Variants in NALCN observed in about 807,000 individuals in gnomAD.
NALCN encodes the protein sodium leak channel, non-selective.
In NALCN, 111 loss-of-function variants were observed where a neutral mutation model predicts 225.3. The ratio of observed to expected loss-of-function variants is 0.49; its 90% CI spans 0.42 to 0.58. The LOEUF is 0.58. Ranked by LOEUF, NALCN falls within the 20% of genes least tolerant of loss-of-function variation. The pLI, the probability that NALCN is intolerant of heterozygous loss-of-function variation, is 0.00. For missense variants in NALCN, 1,378 were observed against 2,202.4 expected, an observed-to-expected ratio of 0.63 and a Z score of 7.49; for synonymous variants, 764 against 769.0, an observed-to-expected ratio of 0.99 and a Z score of 0.11.
chr13:101,413,235 C>T lies in NALCN; in HGVS notation c.-40+3078G>A, dbSNP rs111782091. On this transcript the variant is annotated intron_variant, in intron 1 of 43. Transcript: ENST00000251127. ...ATTCAGATACTTCTTTTTTCAAAGA[C>T]ATAATTACTGGAAATTTATCATAAA... Among the ~76,000 whole-genome samples, 670 of 152,022 alleles carry T rather than the reference C, an allele frequency of 4.4e-3. 4 individuals carry two copies. Among genetic ancestry groups the T allele is most frequent in the African/African-American group, 0.016 (646 of 41,466 alleles).
intron 15 of NALCN, among the ~76,000 whole-genome samples, chr13:101,157,862 C>T (rs1034247256): frequency 6.6e-6 from 1 of 151,738 alleles, no homozygotes; most frequent in Admixed American, 6.6e-5. Flanking sequence ...AAGCAATTCT[C>T]CTGCCTCAGC....
At chr13:101,181,350 C>A (rs1195070186) in intron 14 of NALCN, 1 of 518,664 alleles carries the variant, frequency 1.9e-6, no homozygotes, top group Non-Finnish European at 3.9e-6. Context: ...GGAATAATCA[C>A]AAAGTGATGA....
intron 7 of NALCN, among the ~76,000 whole-genome samples, chr13:101,342,798 G>A (rs189503710): frequency 6.6e-6 from 1 of 151,964 alleles, no homozygotes; most frequent in Admixed American, 6.6e-5. Flanking sequence ...CTTACAACAG[G>A]GGTTCCTTGT....
chr13:101,127,365 GTT>G (rs909134075), intron 17 of NALCN, among the ~76,000 whole-genome samples: 1 of 152,040 alleles, frequency 6.6e-6, no homozygotes, highest in African/African-American at 2.4e-5. Context: ...CTTTTGTTTT[GTT>G]TTGTTTTTTG....
chr13:101,303,301 GGTTC>G (rs1403164669), intron 7 of NALCN, among the ~76,000 whole-genome samples: 2 of 152,200 alleles, frequency 1.3e-5, no homozygotes, highest in African/African-American at 4.8e-5. Context: ...ACAAAGACGT[GGTTC>G]TCTGCTTACA....
At chr13:101,329,073 A>G (rs1231583463) in intron 7 of NALCN, among the ~76,000 whole-genome samples, 4 of 152,146 alleles carry the variant, frequency 2.6e-5, no homozygotes, top group Non-Finnish European at 4.4e-5. Context: ...CTTACATACA[A>G]TGTAAGGATC....
intron 13 of NALCN, among the ~76,000 whole-genome samples, chr13:101,196,479 C>T (rs1380730058): frequency 1.1e-4 from 16 of 152,110 alleles, no homozygotes; most frequent in Non-Finnish European, 1.0e-4. Flanking sequence ...AAAATTTCCA[C>T]TTTTAACATT....
rs756000950 is a variant in NALCN at position 101,104,401 on chromosome 13, A to C, written c.2783T>G (p.Phe928Cys). 32 of 1,613,716 alleles carry C rather than the reference A, an allele frequency of 2.0e-5. No individual in the cohort carries two copies. The highest frequency in any genetic ancestry group is 2.1e-5 in the Non-Finnish European group (25 of 1,179,776). The change falls in exon 25 of 44, where the codon TTC becomes TGC. Residue 928 changes from phenylalanine (F) to cysteine (C), a missense_variant. Transcript: ENST00000251127. The surrounding 1 kb of genome is among the most constrained non-coding windows in gnomAD (Gnocchi z 4.2). ...LQIAEYVFVI[F>C]MSIELNLKIM... ...CTTCAGATTAAGCTCAATGCTCATG[A>C]ATATCACAAACACATACTCAGCAAT... is the stretch of plus-strand genomic sequence containing the variant.
chr13:101,270,295 C>G (rs189773713), intron 10 of NALCN, among the ~76,000 whole-genome samples: 2 of 152,306 alleles, frequency 1.3e-5, no homozygotes, highest in African/African-American at 2.4e-5. Flanking sequence ...ACAGGTGACA[C>G]GACGCCATGA....
chr13:101,404,821 C>T (rs1376237364), intron 1 of NALCN, among the ~76,000 whole-genome samples: 2 of 152,192 alleles, frequency 1.3e-5, no homozygotes, highest in African/African-American at 4.8e-5. Context: ...TACCTTCAAA[C>T]ATCTGTGCCC....
chr13:101,312,623 G>C (rs1322705254), intron 7 of NALCN, among the ~76,000 whole-genome samples: 3 of 152,126 alleles, frequency 2.0e-5, no homozygotes, highest in Non-Finnish European at 4.4e-5. Context: ...TATGTACCCA[G>C]TATTCATTCA....
At chr13:101,129,027 G>GA (rs780517032) in intron 17 of NALCN, among the ~76,000 whole-genome samples, 2 of 152,198 alleles carry the variant, frequency 1.3e-5, no homozygotes, top group African/African-American at 4.8e-5. Flanking sequence ...TTCTTCCATC[G>GA]AAAGGAACAG....
At chr13:101,319,889 T>C (rs374159828) in intron 7 of NALCN, among the ~76,000 whole-genome samples, 10 of 152,320 alleles carry the variant, frequency 6.6e-5, no homozygotes, top group African/African-American at 2.4e-4. Context: ...ATTAAAAAAA[T>C]AGCTATTCTA....
chr13:101,124,710 T>C (rs1170075534), intron 17 of NALCN, 29 bp from the exon 18 acceptor site: 1 of 1,571,680 alleles, frequency 6.4e-7, no homozygotes, highest in Non-Finnish European at 8.7e-7. Context: ...TGACTTTTAG[T>C]TTTGGAATGT....
At chr13:101,394,883 T>G (rs1207562650) in intron 3 of NALCN, among the ~76,000 whole-genome samples, 1 of 152,220 alleles carries the variant, frequency 6.6e-6, no homozygotes, top group Non-Finnish European at 1.5e-5. Flanking sequence ...GGTTGTGGGC[T>G]CAGCCCTAAG....
Position 101,312,633 on chromosome 13 carries a change from A to G in NALCN, c.800-20267T>C, listed in dbSNP as rs12560713. On this transcript the variant is annotated intron_variant, in intron 7 of 43. Coordinates refer to ENST00000251127, the MANE Select transcript of NALCN (RefSeq NM_052867.4). ...TTCATTATGTACCCAGTATTCATTC[A>G]GGAGCAGGTTGTTCAGTTTCCATGT... 1.4e-3 allele frequency among the ~76,000 whole-genome samples: 210 copies of G among 152,278 alleles called. 3 individuals are homozygous for G. The East Asian group carries it at 0.039, about 28-fold the overall frequency.
At chr13:101,295,333 T>G (rs1269733751) in intron 7 of NALCN, among the ~76,000 whole-genome samples, 2 of 152,216 alleles carry the variant, frequency 1.3e-5, no homozygotes, top group African/African-American at 2.4e-5. Flanking sequence ...GGTTTTTGAA[T>G]GAAACCAAAC....
chr13:101,268,901 G>A (rs547018128), intron 10 of NALCN, among the ~76,000 whole-genome samples: 2 of 152,178 alleles, frequency 1.3e-5, no homozygotes, highest in African/African-American at 4.8e-5. Context: ...AAATCTCCTG[G>A]TTTCCTCACA....
chr13:101,111,167 C>T lies in NALCN; in HGVS notation c.2252G>A (p.Arg751Lys), dbSNP rs1310525761. 1.9e-6 allele frequency: 3 copies of T among 1,608,890 alleles called. No homozygotes were observed. The highest frequency in any genetic ancestry group is 1.3e-5 in the African/African-American group (1 of 74,966). The change falls in exon 19 of 44, where the codon AGG becomes AAG. Residue 751 changes from arginine (R) to lysine (K), a missense_variant. Arg to Lys is a conservative substitution (Grantham distance 26). Transcript: ENST00000251127. ...GSFEGQPAKE[R>K]SILSVQHHIR... ...ATGATGCTGCACGCTGAGGATTGACCTCTCCTTTGCGGGCTGCCCCTCAAA... is the reference window on the plus strand; with the variant it reads ...ATGATGCTGCACGCTGAGGATTGACTTCTCCTTTGCGGGCTGCCCCTCAAA...
Sources: gnomAD v4.1 joint callset for allele counts (sites outside exome capture counted in the v4.1 genomes callset) on GRCh38, gnomAD v4.1.1 for gene constraint, Gnocchi (gnomAD v3.1) non-coding constraint, MANE v1.5 for transcripts, NCBI Gene and HGNC (gene_info 2026-07-23, HGNC 2026-07-21) for gene names.